The following PCYT1B variants were observed in gnomAD, a reference collection of about 807,000 sequenced individuals.
PCYT1B encodes choline-phosphate cytidylyltransferase B.
Under a neutral mutation model 26.4 loss-of-function variants are expected in PCYT1B, and 10 were observed. The observed-to-expected ratio is 0.38, with a 90% CI of 0.23 to 0.64. The LOEUF (loss-of-function observed/expected upper bound fraction) is 0.64, where lower values mean the gene tolerates loss of function less well. Ranked by LOEUF, PCYT1B falls within the 30% of genes least tolerant of loss-of-function variation. The pLI is 0.56. For synonymous variants in PCYT1B, 131 were observed against 108.4 expected (o/e 1.21, Z -1.29); for missense variants, 161 against 292.7 (o/e 0.55, Z 3.28).
In PCYT1B at chrX:24,618,970, G is replaced by C. The variant is rs764228251; in HGVS notation, c.217+15C>G. 2 of 1,063,784 alleles carry C rather than the reference G, an allele frequency of 1.9e-6. No individual in the cohort carries two copies. Among genetic ancestry groups the C allele is most frequent in the Non-Finnish European group, 2.5e-6 (2 of 796,998 alleles). 87.7% of individuals were successfully genotyped at this position (1,063,784 alleles called of 1,213,427 possible). ...CAAGACAGGGCCCATTTAAGACAAAGAAGTACAGCCTCACCTGGTGTTCCT... is the reference window on the plus strand; with the variant it reads ...CAAGACAGGGCCCATTTAAGACAAACAAGTACAGCCTCACCTGGTGTTCCT... On this transcript the variant is annotated intron_variant, in intron 2 of 7. Coordinates refer to ENST00000379144, the MANE Select transcript of PCYT1B (RefSeq NM_004845.5).
rs180936514 is a variant in PCYT1B at position 24,638,382 on chromosome X, A to G, written c.117+8607T>C. Among the ~76,000 whole-genome samples, 34 of 111,841 alleles carry G rather than the reference A, an allele frequency of 3.0e-4. No individual in the cohort carries two copies. In the East Asian group the frequency reaches 9.3e-3, roughly 31 times the overall value. ...GTGCTAAACTGTCTCTTTATCCCCA[A>G]GCAAGGTCAGCTTCCCAGCCTCCCA... On this transcript the variant is annotated intron_variant, in intron 1 of 7. Coordinates refer to ENST00000379144, the MANE Select transcript of PCYT1B (RefSeq NM_004845.5).
chrX:24,666,340 T>C (rs1927126387), intron 1 of PCYT1B, among the ~76,000 whole-genome samples: 2 of 111,489 alleles, frequency 1.8e-5, no homozygotes, highest in African/African-American at 6.5e-5. Context: ...AAAGGATATA[T>C]AGAACAAGAA....
At chrX:24,612,396 C>T (rs1167303377) in intron 2 of PCYT1B, among the ~76,000 whole-genome samples, 1 of 112,071 alleles carries the variant, frequency 8.9e-6, no homozygotes, top group African/African-American at 3.2e-5. Flanking sequence ...AAATATAGGA[C>T]TTGTATCTAG....
chrX:24,578,094 C>T (rs1428374727), intron 6 of PCYT1B, among the ~76,000 whole-genome samples: 1 of 111,202 alleles, frequency 9.0e-6, no homozygotes, highest in Non-Finnish European at 1.9e-5. Flanking sequence ...AACCCAAACG[C>T]CCATCAATGA....
chrX:24,624,104 G>A (rs1925802115), intron 1 of PCYT1B, among the ~76,000 whole-genome samples: 1 of 108,631 alleles, frequency 9.2e-6, no homozygotes, highest in African/African-American at 3.4e-5. Flanking sequence ...CAAGTAGCTG[G>A]GACTACAGGA....
chrX:24,618,711 G>C lies in PCYT1B; in HGVS notation c.217+274C>G, dbSNP rs558913649. On this transcript the variant is annotated intron_variant, in intron 2 of 7. Transcript: ENST00000379144. The stretch of plus-strand genomic sequence containing the variant: ...CGGCTCACTGCAATCTCCACCTCCC[G>C]GGTTCAAGCAGTCCTCCCACCTCAG... Among the ~76,000 whole-genome samples, 204 of 108,639 alleles carry C rather than the reference G, an allele frequency of 1.9e-3. 2 individuals carry two copies. Among genetic ancestry groups the C allele is most frequent in the African/African-American group, 6.5e-3 (193 of 29,802 alleles). The allele number at this position is 108,639 out of a possible 115,157, so 94.3% of individuals were successfully genotyped here. A position where few individuals can be genotyped will look rare whatever the true frequency, so the allele number is the denominator to read the frequency against.
At chrX:24,579,282 G>A (rs749911570) in intron 6 of PCYT1B, 34 bp downstream of exon 6, 3 of 1,195,456 alleles carry the variant, frequency 2.5e-6, no homozygotes, top group East Asian at 5.9e-5. Flanking sequence ...GTGTGGCATG[G>A]TGGTCTTCAG....
At chrX:24,584,655 A>G (rs1924310732) in intron 5 of PCYT1B, among the ~76,000 whole-genome samples, 1 of 112,434 alleles carries the variant, frequency 8.9e-6, no homozygotes, top group Admixed American at 9.4e-5. Context: ...CAAAAATGCC[A>G]TCAGGGAGAA....
At chrX:24,629,483 C>T (rs908800975) in intron 1 of PCYT1B, among the ~76,000 whole-genome samples, 3 of 92,286 alleles carry the variant, frequency 3.3e-5, no homozygotes, top group South Asian at 6.2e-4. Flanking sequence ...GCTTGGTCCC[C>T]GGAGGTCAAG....
intron 5 of PCYT1B, among the ~76,000 whole-genome samples, chrX:24,585,358 C>T (rs1924336313): frequency 8.9e-6 from 1 of 111,978 alleles, no homozygotes; most frequent in Non-Finnish European, 1.9e-5. Flanking sequence ...ACTGACATTG[C>T]CTGGTTTCCC....
chrX:24,668,165 C>T (rs1426531740), intron 1 of PCYT1B, among the ~76,000 whole-genome samples: 2 of 112,107 alleles, frequency 1.8e-5, no homozygotes, highest in Non-Finnish European at 3.8e-5. Flanking sequence ...GAACATGTGC[C>T]CCACAGATCT....
At chrX:24,621,454 T>C (rs1326219341) in intron 1 of PCYT1B, among the ~76,000 whole-genome samples, 1 of 111,104 alleles carries the variant, frequency 9.0e-6, no homozygotes, top group Non-Finnish European at 1.9e-5. Context: ...AACAAGCAAA[T>C]TGACTCATTT....
In PCYT1B at chrX:24,624,186, G is replaced by A. The variant is rs770774516; in HGVS notation, c.118-5102C>T. On this transcript the variant is annotated intron_variant, in intron 1 of 7. Coordinates refer to ENST00000379144, the MANE Select transcript of PCYT1B (RefSeq NM_004845.5). The stretch of plus-strand genomic sequence containing the variant: ...GGGTTTCACTGTGTTAACCAGGATG[G>A]TCTTGATCTCCTGACCTCGTGATCC... 8.2e-5 allele frequency among the ~76,000 whole-genome samples: 9 copies of A among 110,054 alleles called. No homozygotes were observed. In the East Asian group the frequency reaches 8.6e-4, roughly 10 times the overall value.
chrX:24,571,722 C>CAGTG, intron 7 of PCYT1B, among the ~76,000 whole-genome samples: 1 of 111,358 alleles, frequency 9.0e-6, no homozygotes, highest in East Asian at 2.8e-4. Flanking sequence ...TTCGAGGTTA[C>CAGTG]AGTGAGTCAT....
At chrX:24,608,976 C>A (rs1286453322) in intron 2 of PCYT1B, among the ~76,000 whole-genome samples, 1 of 111,217 alleles carries the variant, frequency 9.0e-6, no homozygotes, top group Non-Finnish European at 1.9e-5. Flanking sequence ...AACAAAGGAA[C>A]TAGAATGTGA....
At chrX:24,590,281 G>T in intron 3 of PCYT1B, 107 bp from the exon 4 acceptor site, 1 of 629,046 alleles carries the variant, frequency 1.6e-6, no homozygotes, top group Non-Finnish European at 2.4e-6. Context: ...GCACAGCCTC[G>T]CTAGGTGCTT....
At chrX:24,569,340 C>T (rs1207415824) in intron 7 of PCYT1B, among the ~76,000 whole-genome samples, 1 of 110,145 alleles carries the variant, frequency 9.1e-6, no homozygotes, top group East Asian at 2.8e-4. Flanking sequence ...CTGTGCATTG[C>T]TCGTGGAAAT....
rs754311295 is a variant in PCYT1B at position 24,560,667 on chromosome X, G to A, written c.*1626C>T. 2 of 111,481 alleles carry A rather than the reference G, an allele frequency of 1.8e-5. No homozygotes were observed. Among genetic ancestry groups the A allele is most frequent in the South Asian group, 7.8e-4 (2 of 2,559 alleles). The allele number at this position is 111,481 out of a possible 1,213,427, so 9.2% of individuals were successfully genotyped here. On this transcript the variant is annotated 3_prime_UTR_variant, in exon 8 of 8. Coordinates refer to ENST00000379144, the MANE Select transcript of PCYT1B (RefSeq NM_004845.5). ...GTTCAACCCCAACAAGAAGGGGAAA[G>A]ACATGCCGCCTTCCTTCACTGGTTG... is the stretch of plus-strand genomic sequence containing the variant.
chrX:24,660,238 T>A (rs984440433), intron 1 of PCYT1B, among the ~76,000 whole-genome samples: 3 of 112,369 alleles, frequency 2.7e-5, no homozygotes, highest in African/African-American at 9.7e-5. Flanking sequence ...AAAAAAAGGA[T>A]CTCTATTTTG....
Sources: allele counts gnomAD v4.1 joint callset (sites outside exome capture counted in the v4.1 genomes callset), GRCh38; gene constraint gnomAD v4.1.1; transcripts MANE v1.5; gene names NCBI Gene and HGNC (gene_info 2026-07-23, HGNC 2026-07-21).